Variants in DDHD1 observed in about 807,000 individuals in gnomAD.
DDHD1 encodes DDHD domain containing 1, also known as phospholipase DDHD1.
In DDHD1, 49 loss-of-function variants were observed where a neutral mutation model predicts 96.4. That is an observed-to-expected ratio of 0.51 (90% confidence interval 0.40 to 0.64). The LOEUF is 0.64. Among genes scored for constraint, DDHD1 ranks in the 30% least tolerant of loss-of-function variants. The probability of loss-of-function intolerance (pLI) is 0.00; values close to 1 mark genes in which losing one functional copy is unlikely to be tolerated. For missense variants in DDHD1, 1,106 were observed against 1,161.2 expected, an observed-to-expected ratio of 0.95 and a Z score of 0.69; for synonymous variants, 442 against 446.5, an observed-to-expected ratio of 0.99 and a Z score of 0.13.
intron 2 of DDHD1, among the ~76,000 whole-genome samples, chr14:53,098,774 A>G (rs1887081017): frequency 6.6e-6 from 1 of 152,030 alleles, no homozygotes; most frequent in Admixed American, 6.6e-5. Flanking sequence ...CACTTCATCC[A>G]CCAACTTGTT....
intron 4 of DDHD1, among the ~76,000 whole-genome samples, chr14:53,078,301 A>G (rs759668548): frequency 2.0e-4 from 31 of 152,116 alleles, no homozygotes; most frequent in Admixed American, 4.6e-4. Context: ...CATCTTTTTG[A>G]TAAGAGTTAT....
intron 1 of DDHD1, among the ~76,000 whole-genome samples, chr14:53,107,596 G>A (rs975670483): frequency 2.6e-5 from 4 of 152,184 alleles, no homozygotes; most frequent in African/African-American, 9.7e-5. Flanking sequence ...ATTGAGACCA[G>A]ACTGGCCAAC....
rs967285936 is a variant in DDHD1 at position 53,148,532 on chromosome 14, C to T, written c.838+3729G>A. The stretch of plus-strand genomic sequence containing the variant: ...TTCACCATGTTGGCCAGGCTGGTCT[C>T]GAACTCCTGATCTCAGGTGATCCAC... On this transcript the variant is annotated intron_variant, in intron 1 of 12. Coordinates refer to ENST00000673822, the MANE Select transcript of DDHD1 (RefSeq NM_001160148.2). 3.3e-5 allele frequency among the ~76,000 whole-genome samples: 5 copies of T among 152,164 alleles called. No individual in the cohort carries two copies. In the South Asian group the frequency reaches 8.3e-4, roughly 25 times the overall value.
At chr14:53,076,084 G>A (rs1215027694) in intron 4 of DDHD1, among the ~76,000 whole-genome samples, 1 of 152,144 alleles carries the variant, frequency 6.6e-6, no homozygotes, top group Non-Finnish European at 1.5e-5. Context: ...GGATCAAGGA[G>A]TAATTTTAAC....
chr14:53,116,266 C>T (rs1013968587), intron 1 of DDHD1, among the ~76,000 whole-genome samples: 2 of 152,148 alleles, frequency 1.3e-5, no homozygotes, highest in African/African-American at 4.8e-5. Context: ...GACTCCCACA[C>T]AATAATAATA....
chr14:53,080,715 C>CTCTT (rs1566546234), intron 4 of DDHD1, among the ~76,000 whole-genome samples: 1 of 102,642 alleles, frequency 9.7e-6, no homozygotes, highest in African/African-American at 5.2e-5. Context: ...TTTTCCTTCC[C>CTCTT]CCTTTTTTTT....
intron 12 of DDHD1, among the ~76,000 whole-genome samples, chr14:53,049,556 T>A (rs781282639): frequency 6.6e-6 from 1 of 150,522 alleles, no homozygotes; most frequent in East Asian, 2.0e-4. Flanking sequence ...CAAATCTACA[T>A]GGATTAGCCT....
intron 1 of DDHD1, among the ~76,000 whole-genome samples, chr14:53,146,623 T>C (rs1386190373): frequency 6.6e-6 from 1 of 152,240 alleles, no homozygotes; most frequent in Non-Finnish European, 1.5e-5. Flanking sequence ...TTTTCTTCAG[T>C]TCTCTGGTAC....
At position 53,068,752 on chromosome 14, in the gene DDHD1, A is replaced by G. The variant is rs969031150; in HGVS notation, c.1503+3845T>C. On this transcript the variant is annotated intron_variant, in intron 6 of 12. Transcript: ENST00000673822. ...AGGTACTGCTTGATTTCTCCAGTGT[A>G]TGATTATTGTCGCTCTTTCTTAAAC... 2.0e-5 allele frequency among the ~76,000 whole-genome samples: 3 copies of G among 152,150 alleles called. No homozygotes were observed. The East Asian group carries it at 5.8e-4, about 29-fold the overall frequency.
At chr14:53,130,446 C>T (rs571328164) in intron 1 of DDHD1, among the ~76,000 whole-genome samples, 3 of 152,258 alleles carry the variant, frequency 2.0e-5, no homozygotes, top group Admixed American at 6.5e-5. Flanking sequence ...GCCAGAAGTC[C>T]GTCTTATTCT....
intron 1 of DDHD1, among the ~76,000 whole-genome samples, chr14:53,144,408 T>C (rs59383996): frequency 2.0e-5 from 3 of 152,226 alleles, no homozygotes; most frequent in Non-Finnish European, 2.9e-5. Context: ...CAGCAGTAGA[T>C]AGCCACATTG....
At chr14:53,132,430 G>A (rs1889934506) in intron 1 of DDHD1, among the ~76,000 whole-genome samples, 1 of 151,986 alleles carries the variant, frequency 6.6e-6, no homozygotes, top group South Asian at 2.1e-4. Context: ...TTTATTGATG[G>A]TAGTTCTTCC....
chr14:53,097,476 T>C (rs1253131515), intron 2 of DDHD1, among the ~76,000 whole-genome samples: 1 of 152,000 alleles, frequency 6.6e-6, no homozygotes, highest in Non-Finnish European at 1.5e-5. Flanking sequence ...ACTGAAAATG[T>C]TTCTTCTTTC....
At chr14:53,105,365 A>G (rs762268868) in intron 1 of DDHD1, among the ~76,000 whole-genome samples, 28 of 151,980 alleles carry the variant, frequency 1.8e-4, no homozygotes, top group Admixed American at 3.9e-4. Flanking sequence ...TTGTCATACC[A>G]GATTTGTACT....
At chr14:53,109,506 G>A (rs961707629) in intron 1 of DDHD1, among the ~76,000 whole-genome samples, 9 of 152,084 alleles carry the variant, frequency 5.9e-5, no homozygotes, top group Non-Finnish European at 1.3e-4. Context: ...CTTGTATAAA[G>A]GTAATTAAAA....
chr14:53,152,980 C>T lies in DDHD1; in HGVS notation c.119G>A (p.Cys40Tyr). 3 of 1,563,972 alleles carry T rather than the reference C, an allele frequency of 1.9e-6. No homozygotes were observed. The highest frequency in any genetic ancestry group is 2.6e-6 in the Non-Finnish European group (3 of 1,157,824). Residue 40 changes from cysteine (C) to tyrosine (Y), a missense_variant, in exon 1 of 13, where the codon TGC (cysteine) becomes TAC (tyrosine). Coordinates refer to ENST00000673822, the MANE Select transcript of DDHD1 (RefSeq NM_001160148.2). ...GTCCCCGCCGGGCAGGTGCTCGAAG[C>T]AGCAGACGCCGCCGCCGAACGCTGG... ...ARPAFGGGVC[C>Y]FEHLPGGDPD...
intron 12 of DDHD1, among the ~76,000 whole-genome samples, chr14:53,051,534 C>T (rs149404204): frequency 1.2e-4 from 19 of 152,016 alleles, no homozygotes; most frequent in African/African-American, 4.6e-4. Context: ...AAATAGCAAA[C>T]CTCTTTGGAG....
intron 6 of DDHD1, among the ~76,000 whole-genome samples, chr14:53,069,260 G>T (rs1884310771): frequency 6.6e-6 from 1 of 152,144 alleles, no homozygotes; most frequent in Admixed American, 6.5e-5. Context: ...AAAGATCTGG[G>T]TGCTAGGTGT....
chr14:53,110,959 G>A (rs567935548), intron 1 of DDHD1, among the ~76,000 whole-genome samples: 1 of 152,284 alleles, frequency 6.6e-6, no homozygotes, highest in Non-Finnish European at 1.5e-5. Flanking sequence ...TCCAGCCTAG[G>A]TGACACAGCG....
Sources: allele counts gnomAD v4.1 joint callset (sites outside exome capture counted in the v4.1 genomes callset), GRCh38; gene constraint gnomAD v4.1.1; transcripts MANE v1.5; gene names NCBI Gene and HGNC (gene_info 2026-07-23, HGNC 2026-07-21).